Variants in AFF2 observed in about 807,000 individuals in gnomAD.
AFF2 encodes the protein AF4/FMR2 family member 2.
A neutral mutation model predicts 76.9 loss-of-function variants in AFF2; 14 were observed. That is an observed-to-expected ratio of 0.18 (90% CI 0.12 to 0.28). The LOEUF is 0.28. AFF2 is among the 10% of genes least tolerant of loss of function. The pLI is 1.00. For missense variants in AFF2, 868 were observed against 1,001.1 expected (o/e 0.87, Z 1.79); for synonymous variants, 398 against 366.7 (o/e 1.09, Z -0.98).
At chrX:148,521,374 G>GCACACACACACACACACACACACA (rs781978355) in intron 1 of AFF2, among the ~76,000 whole-genome samples, 1 of 90,921 alleles carries the variant, frequency 1.1e-5, no homozygotes, top group African/African-American at 4.3e-5. Context: ...GCACGTGCAT[G>GCACACACACACACACACACACACA]CACACACACA....
intron 1 of AFF2, among the ~76,000 whole-genome samples, chrX:148,505,342 G>A (rs1375010942): frequency 8.9e-6 from 1 of 111,792 alleles, no homozygotes; most frequent in Non-Finnish European, 1.9e-5. Context: ...TCTCATGGTA[G>A]AAATCAGTTT....
chrX:148,545,624 G>T (rs1432278459), intron 1 of AFF2, among the ~76,000 whole-genome samples: 1 of 111,171 alleles, frequency 9.0e-6, no homozygotes, highest in Non-Finnish European at 1.9e-5. Context: ...GTAATCATCA[G>T]TATAGTACCT....
intron 1 of AFF2, among the ~76,000 whole-genome samples, chrX:148,526,057 C>CTATA (rs782355024): frequency 1.8e-5 from 2 of 111,229 alleles, no homozygotes; most frequent in South Asian, 7.6e-4. Flanking sequence ...AGCTTTGACT[C>CTATA]AATAAAGTGA....
chrX:148,674,583 A>G (rs2054461373), intron 3 of AFF2, among the ~76,000 whole-genome samples: 1 of 111,783 alleles, frequency 8.9e-6, no homozygotes, highest in African/African-American at 3.3e-5. Flanking sequence ...CACAAATCTC[A>G]CCCTCTATTC....
intron 5 of AFF2, among the ~76,000 whole-genome samples, chrX:148,840,889 T>C (rs1220402002): frequency 9.0e-6 from 1 of 111,521 alleles, no homozygotes; most frequent in African/African-American, 3.3e-5. Flanking sequence ...TCATAAACAT[T>C]TACACCTACT....
intron 19 of AFF2, among the ~76,000 whole-genome samples, chrX:148,982,658 A>C (rs2072409814): frequency 8.9e-6 from 1 of 111,956 alleles, no homozygotes. Flanking sequence ...AGAGGTGGTT[A>C]AGGGCTCTGC....
chrX:148,838,300 AAT>A (rs1338676896), intron 5 of AFF2, among the ~76,000 whole-genome samples: 3 of 112,461 alleles, frequency 2.7e-5, no homozygotes, highest in African/African-American at 9.7e-5. Flanking sequence ...ATACTTTAAA[AAT>A]ATATATAATG....
At chrX:148,573,698 G>C in intron 1 of AFF2, among the ~76,000 whole-genome samples, 1 of 111,242 alleles carries the variant, frequency 9.0e-6, no homozygotes, top group Middle Eastern at 4.6e-3. Flanking sequence ...CCACAACATA[G>C]GCAACTTTAG....
chrX:148,988,226 G>A (rs926743553), intron 20 of AFF2, among the ~76,000 whole-genome samples: 23 of 112,119 alleles, frequency 2.1e-4, no homozygotes, highest in African/African-American at 6.5e-4. Flanking sequence ...AATGAAGGTG[G>A]GAAGTAAAAT....
chrX:148,659,079 G>C (rs1349411186), intron 2 of AFF2, among the ~76,000 whole-genome samples: 1 of 111,826 alleles, frequency 8.9e-6, no homozygotes, highest in African/African-American at 3.3e-5. Context: ...TGATTTTCCA[G>C]ACTTATTGAG....
chrX:148,803,584 T>C (rs895153517), intron 3 of AFF2, among the ~76,000 whole-genome samples: 1 of 111,883 alleles, frequency 8.9e-6, no homozygotes, highest in Non-Finnish European at 1.9e-5. Flanking sequence ...TAATATACCC[T>C]CATTCCCCCC....
chrX:148,935,983 G>T (rs2071771155), intron 9 of AFF2, among the ~76,000 whole-genome samples: 1 of 107,630 alleles, frequency 9.3e-6, no homozygotes, highest in Admixed American at 1.0e-4. Flanking sequence ...TTAATATTTT[G>T]CCTTTTCTTT....
At chrX:148,502,470 A>G (rs1208691277) in intron 1 of AFF2, among the ~76,000 whole-genome samples, 1 of 112,769 alleles carries the variant, frequency 8.9e-6, no homozygotes, top group Non-Finnish European at 1.9e-5. Context: ...TTTTACAGCA[A>G]TTCCGGATAA....
intron 4 of AFF2, among the ~76,000 whole-genome samples, chrX:148,823,197 G>A (rs5936446): frequency 0.16 from 17,989 of 110,766 alleles, 1,420 homozygotes; most frequent in Non-Finnish European, 0.25. Flanking sequence ...ATGCAGCATC[G>A]GCCTTTGAAA....
At chrX:148,632,925 G>A (rs1238697153) in intron 1 of AFF2, among the ~76,000 whole-genome samples, 2 of 111,715 alleles carry the variant, frequency 1.8e-5, no homozygotes, top group East Asian at 5.7e-4. Flanking sequence ...AATCCAGATA[G>A]ATTAACTACC....
At chrX:148,987,237 GTACGCTATGCTAAAC>G (rs1384819073) in intron 19 of AFF2, 115 bp from the exon 20 acceptor site, 1 of 571,297 alleles carries the variant, frequency 1.8e-6, no homozygotes, top group African/African-American at 2.3e-5. Context: ...CTTCACATGT[GTACGCTATGCTAAAC>G]TTCACTCCAG....
chrX:148,721,809 A>G (rs968076444), intron 3 of AFF2, among the ~76,000 whole-genome samples: 7 of 111,731 alleles, frequency 6.3e-5, no homozygotes, highest in Non-Finnish European at 1.1e-4. Flanking sequence ...ACTTCCTTAC[A>G]TTTTCCAGAT....
chrX:148,667,619 C>T (rs1388885694), intron 3 of AFF2, among the ~76,000 whole-genome samples: 1 of 111,798 alleles, frequency 8.9e-6, no homozygotes, highest in East Asian at 2.8e-4. Context: ...CACATTATGG[C>T]AGACAAGAGA....
At chrX:148,601,218 T>A (rs1483364073) in intron 1 of AFF2, among the ~76,000 whole-genome samples, 1 of 112,523 alleles carries the variant, frequency 8.9e-6, no homozygotes, top group Non-Finnish European at 1.9e-5. Flanking sequence ...TGAAACTACT[T>A]CTTACTTGGG....
Sources: allele counts gnomAD v4.1 joint callset (sites outside exome capture counted in the v4.1 genomes callset), GRCh38; gene constraint gnomAD v4.1.1; transcripts MANE v1.5; gene names NCBI Gene and HGNC (gene_info 2026-07-23, HGNC 2026-07-21).